Variants in ARHGAP15 observed in about 807,000 individuals in gnomAD.
ARHGAP15 encodes the protein Rho GTPase activating protein 15.
ARHGAP15 carries 51 observed loss-of-function variants against 63.7 expected under a neutral mutation model. The ratio of observed to expected loss-of-function variants is 0.80; its 90% CI spans 0.64 to 1.01. The LOEUF (loss-of-function observed/expected upper bound fraction) is 1.01. Among genes scored for constraint, ARHGAP15 ranks in the 50% least tolerant of loss-of-function variants. ARHGAP15 has a pLI of 0.00. For synonymous variants in ARHGAP15, 191 were observed against 193.8 expected (o/e 0.99, Z 0.12); for missense variants, 560 against 564.6 (o/e 0.99, Z 0.08).
chr2:143,222,386 A>G (rs531469135), intron 4 of ARHGAP15, among the ~76,000 whole-genome samples: 1 of 152,280 alleles, frequency 6.6e-6, no homozygotes, highest in South Asian at 2.1e-4. Context: ...CCTCACATAT[A>G]TTTTCTTCTG....
chr2:143,571,262 G>A (rs1305421340), intron 11 of ARHGAP15, among the ~76,000 whole-genome samples: 1 of 152,166 alleles, frequency 6.6e-6, no homozygotes, highest in African/African-American at 2.4e-5. Context: ...AATGTAATGT[G>A]CTTGAATCAT....
intron 6 of ARHGAP15, among the ~76,000 whole-genome samples, chr2:143,365,526 A>C (rs1273201616): frequency 6.6e-6 from 1 of 152,118 alleles, no homozygotes; most frequent in East Asian, 1.9e-4. Context: ...CCTTTTAAGC[A>C]CTCGAAAATG....
At chr2:143,409,636 T>C (rs898081302) in intron 6 of ARHGAP15, among the ~76,000 whole-genome samples, 16 of 152,104 alleles carry the variant, frequency 1.1e-4, no homozygotes, top group African/African-American at 3.9e-4. Context: ...CTCATATATG[T>C]GGTGGCAGTT....
chr2:143,165,994 G>GAAAGAAAGAAAGAAAGAA (rs1482974356), intron 2 of ARHGAP15, among the ~76,000 whole-genome samples: 3 of 129,828 alleles, frequency 2.3e-5, no homozygotes, highest in Non-Finnish European at 4.9e-5. Context: ...AAGAAAGAAA[G>GAAAGAAAGAAAGAAAGAA]AAAGAAAGAA....
intron 6 of ARHGAP15, among the ~76,000 whole-genome samples, chr2:143,368,546 A>G (rs1488587305): frequency 1.3e-5 from 2 of 152,090 alleles, no homozygotes; most frequent in African/African-American, 4.8e-5. Context: ...TTGGAATGAG[A>G]ACTCCAGTAG....
At chr2:143,136,054 T>G (rs559577290) in intron 1 of ARHGAP15, among the ~76,000 whole-genome samples, 1 of 152,156 alleles carries the variant, frequency 6.6e-6, no homozygotes, top group South Asian at 2.1e-4. Flanking sequence ...TGCCCACCTG[T>G]CCCCCAACCC....
intron 2 of ARHGAP15, among the ~76,000 whole-genome samples, chr2:143,198,425 A>G (rs530381879): frequency 6.6e-6 from 1 of 151,940 alleles, no homozygotes; most frequent in Admixed American, 6.6e-5. Context: ...TTTTTTCCAT[A>G]TTTCATACCA....
chr2:143,388,220 TATGAA>T (rs1260721790), intron 6 of ARHGAP15, among the ~76,000 whole-genome samples: 1 of 152,204 alleles, frequency 6.6e-6, no homozygotes, highest in African/African-American at 2.4e-5. Flanking sequence ...TACATGAACT[TATGAA>T]ATAACAGTGT....
At chr2:143,660,332 T>C (rs917749736) in intron 12 of ARHGAP15, among the ~76,000 whole-genome samples, 2 of 152,206 alleles carry the variant, frequency 1.3e-5, no homozygotes, top group African/African-American at 4.8e-5. Flanking sequence ...GGAATTCCAA[T>C]TGCATTTGGG....
At chr2:143,550,780 G>A (rs941458268) in intron 10 of ARHGAP15, among the ~76,000 whole-genome samples, 2 of 152,120 alleles carry the variant, frequency 1.3e-5, no homozygotes, top group South Asian at 2.1e-4. Flanking sequence ...ACCCCAACAT[G>A]TTCCCTTTTT....
intron 6 of ARHGAP15, among the ~76,000 whole-genome samples, chr2:143,270,043 G>A (rs182018648): frequency 9.3e-4 from 142 of 151,896 alleles, no homozygotes; most frequent in African/African-American, 3.0e-3. Flanking sequence ...TGTGATCTCG[G>A]CTCACTGCAA....
At chr2:143,405,246 T>A (rs1688149103) in intron 6 of ARHGAP15, among the ~76,000 whole-genome samples, 1 of 144,870 alleles carries the variant, frequency 6.9e-6, no homozygotes, top group Non-Finnish European at 1.5e-5. Flanking sequence ...GCAAAACAAA[T>A]AAATAAATGC....
At chr2:143,598,556 C>G (rs192891416) in intron 11 of ARHGAP15, among the ~76,000 whole-genome samples, 6 of 152,252 alleles carry the variant, frequency 3.9e-5, no homozygotes, top group Non-Finnish European at 7.4e-5. Flanking sequence ...TATATAGCCA[C>G]ATTATACCTT....
intron 12 of ARHGAP15, 113 bp from the exon 13 acceptor site, chr2:143,703,306 G>A (rs1684173563): frequency 4.5e-6 from 3 of 662,666 alleles, no homozygotes; most frequent in South Asian, 2.0e-5. Flanking sequence ...CTACTGACTA[G>A]GACTCTTAGT....
chr2:143,493,566 T>C (rs4560048), intron 9 of ARHGAP15, among the ~76,000 whole-genome samples: 39,698 of 152,140 alleles, frequency 0.26, 6,033 homozygotes, highest in East Asian at 0.71. Flanking sequence ...ATTTTTTTCT[T>C]GCATTCTGGG....
At chr2:143,310,206 G>T (rs1300729258) in intron 6 of ARHGAP15, among the ~76,000 whole-genome samples, 1 of 151,952 alleles carries the variant, frequency 6.6e-6, no homozygotes, top group Non-Finnish European at 1.5e-5. Flanking sequence ...TGTTGTTTTG[G>T]TTAACAGAAT....
chr2:143,589,960 A>G (rs1452673077), intron 11 of ARHGAP15, among the ~76,000 whole-genome samples: 2 of 152,226 alleles, frequency 1.3e-5, no homozygotes, highest in East Asian at 1.9e-4. Context: ...TGTGGCTTAT[A>G]TGATTCTAGA....
chr2:143,628,045 G>A (rs1316022552), intron 12 of ARHGAP15, among the ~76,000 whole-genome samples: 1 of 151,884 alleles, frequency 6.6e-6, no homozygotes, highest in Non-Finnish European at 1.5e-5. Context: ...TGTACCCAGT[G>A]TTCAGCTCCC....
chr2:143,313,527 C>T (rs1034853285), intron 6 of ARHGAP15, among the ~76,000 whole-genome samples: 1 of 152,108 alleles, frequency 6.6e-6, no homozygotes, highest in Admixed American at 6.6e-5. Flanking sequence ...CCTCCAATTT[C>T]CCCCATAAAA....
Sources: allele counts gnomAD v4.1 joint callset (sites outside exome capture counted in the v4.1 genomes callset), GRCh38; gene constraint gnomAD v4.1.1; transcripts MANE v1.5; gene names NCBI Gene and HGNC (gene_info 2026-07-23, HGNC 2026-07-21).